Variants in MRTFB observed in about 807,000 individuals in gnomAD.
The protein encoded by MRTFB is myocardin related transcription factor B.
A neutral mutation model predicts 104.2 loss-of-function variants in MRTFB; 29 were observed. The observed-to-expected ratio is 0.28, with a 90% CI of 0.21 to 0.38. The LOEUF (loss-of-function observed/expected upper bound fraction) is 0.38. Ranked by LOEUF, MRTFB falls within the 10% of genes least tolerant of loss-of-function variation. MRTFB has a pLI of 1.00. For synonymous variants in MRTFB, 535 were observed against 519.5 expected, an observed-to-expected ratio of 1.03 and a Z score of -0.41; for missense variants, 1,270 against 1,341.6, an observed-to-expected ratio of 0.95 and a Z score of 0.83.
the MRTFB span, among the ~76,000 whole-genome samples, chr16:14,051,185 A>C: frequency 2.0e-5 from 3 of 152,056 alleles, no homozygotes; most frequent in Non-Finnish European, 2.9e-5. Context: ...CAGAGACAGA[A>C]ACATTCACAG....
intron 10 of MRTFB, chr16:14,240,872 C>T: frequency 1.6e-6 from 1 of 626,610 alleles, no homozygotes; most frequent in Non-Finnish European, 2.8e-6. Flanking sequence ...AAAGGAAAGC[C>T]TGGTGGAAAA....
At chr16:14,248,886 C>A in intron 12 of MRTFB, 40 bp from the exon 13 acceptor site, 1 of 1,602,664 alleles carries the variant, frequency 6.2e-7, no homozygotes, top group South Asian at 1.1e-5. Flanking sequence ...AACTTTGATT[C>A]TGACAATTAA....
intron 2 of MRTFB, among the ~76,000 whole-genome samples, chr16:14,110,436 C>T (rs1168714012): frequency 6.6e-6 from 1 of 152,200 alleles, no homozygotes; most frequent in African/African-American, 2.4e-5. Context: ...CCAGCTTTGT[C>T]AGCAACTAGT....
At chr16:14,205,481 T>A (rs918420317) in intron 3 of MRTFB, among the ~76,000 whole-genome samples, 1 of 152,260 alleles carries the variant, frequency 6.6e-6, no homozygotes, top group Non-Finnish European at 1.5e-5. Context: ...GTATGAGATA[T>A]GCTTTTTTAT....
At chr16:14,180,620 G>A (rs1239878227) in intron 3 of MRTFB, among the ~76,000 whole-genome samples, 1 of 152,200 alleles carries the variant, frequency 6.6e-6, no homozygotes, top group Non-Finnish European at 1.5e-5. Flanking sequence ...TCATGTGAAT[G>A]GCTGCCTGAG....
chr16:14,219,071 A>G, intron 8 of MRTFB, 73 bp downstream of exon 8: 1 of 1,342,532 alleles, frequency 7.4e-7, no homozygotes, highest in Non-Finnish European at 9.8e-7. Flanking sequence ...AAGGTAATAC[A>G]CTTTGACCAG....
intron 2 of MRTFB, among the ~76,000 whole-genome samples, chr16:14,101,715 A>C (rs183169189): frequency 4.6e-5 from 7 of 152,252 alleles, no homozygotes. Context: ...AGGTGAGATT[A>C]TTATAAAGAT....
chr16:14,038,742 C>T, the MRTFB span, among the ~76,000 whole-genome samples: 1 of 152,152 alleles, frequency 6.6e-6, no homozygotes, highest in Non-Finnish European at 1.5e-5. Context: ...ACTTGGCTGG[C>T]TGGTTCTGGT....
chr16:14,206,141 G>T (rs1214473488), intron 3 of MRTFB, among the ~76,000 whole-genome samples: 1 of 152,148 alleles, frequency 6.6e-6, no homozygotes, highest in Non-Finnish European at 1.5e-5. Flanking sequence ...CTTAATCCAT[G>T]AAGGTCCCAG....
At chr16:14,169,189 T>A (rs1312946201) in intron 3 of MRTFB, among the ~76,000 whole-genome samples, 3 of 152,218 alleles carry the variant, frequency 2.0e-5, no homozygotes, top group Non-Finnish European at 4.4e-5. Flanking sequence ...AGTCATTTTT[T>A]GACATATTTC....
intron 8 of MRTFB, among the ~76,000 whole-genome samples, chr16:14,229,510 C>G (rs1477886526): frequency 6.6e-6 from 1 of 152,310 alleles, no homozygotes; most frequent in Non-Finnish European, 1.5e-5. Flanking sequence ...TAGTTTCTGT[C>G]CCTCAAGACC....
At chr16:14,104,066 A>G (rs1462503117) in intron 2 of MRTFB, among the ~76,000 whole-genome samples, 1 of 152,244 alleles carries the variant, frequency 6.6e-6, no homozygotes, top group East Asian at 1.9e-4. Context: ...TACTTCATAG[A>G]TGACAGTTTC....
At chr16:14,111,887 A>C (rs1004637) in intron 2 of MRTFB, among the ~76,000 whole-genome samples, 44,247 of 152,070 alleles carry the variant, frequency 0.29, 13,511 homozygotes, top group African/African-American at 0.77. Flanking sequence ...CTCCACTGCC[A>C]CACCCACCTG....
intron 10 of MRTFB, among the ~76,000 whole-genome samples, chr16:14,244,543 T>A (rs1159256555): frequency 6.6e-6 from 1 of 152,242 alleles, no homozygotes; most frequent in East Asian, 1.9e-4. Context: ...CAGCAGTGTG[T>A]GATTGTTCTG....
chr16:14,247,147 G>C lies in MRTFB; in HGVS notation c.1887G>C (p.Gln629His), dbSNP rs1359226722. 2 of 1,614,050 alleles carry C rather than the reference G, an allele frequency of 1.2e-6. No individual in the cohort carries two copies. The highest frequency in any genetic ancestry group is 2.7e-5 in the African/African-American group (2 of 74,944). ...SAPGHSVKSD[Q>H]KHGSLGSSIK... ...CAGGTCATTCTGTCAAGTCAGATCA[G>C]AAGCACGGCAGCCTTGGCTCCTCCA... Residue 629 changes from glutamine (Q) to histidine (H), a missense_variant, in exon 12 of 17, where the codon CAG becomes CAC. Gln to His is a conservative substitution (Grantham distance 24, BLOSUM62 0). Around this residue, in one of 3 missense-constraint regions of MRTFB, gnomAD observed 1,144 missense variants for 1,131.5 expected, o/e 1.01. Transcript: ENST00000571589.
chr16:14,248,891 A>G (rs373885247), intron 12 of MRTFB, 35 bp from the exon 13 acceptor site: 34 of 1,606,626 alleles, frequency 2.1e-5, no homozygotes, highest in Non-Finnish European at 2.6e-5. Context: ...TGATTCTGAC[A>G]ATTAAATTGA....
chr16:14,029,552 T>A, the MRTFB span, among the ~76,000 whole-genome samples: 2 of 150,842 alleles, frequency 1.3e-5, no homozygotes, highest in East Asian at 3.9e-4. Flanking sequence ...TAGTTAATTT[T>A]ATATGTTTGT....
chr16:14,085,245 C>T (rs1235859221), intron 2 of MRTFB, among the ~76,000 whole-genome samples: 2 of 152,012 alleles, frequency 1.3e-5, no homozygotes, highest in Admixed American at 6.6e-5. Context: ...CACCAGAAGT[C>T]GGGAGTTTGA....
chr16:14,168,256 T>C (rs1449559395), intron 3 of MRTFB, among the ~76,000 whole-genome samples: 1 of 151,550 alleles, frequency 6.6e-6, no homozygotes, highest in Non-Finnish European at 1.5e-5. Context: ...TGCTTATCTA[T>C]ATATAACAAA....
Sources: gnomAD v4.1 joint callset for allele counts (sites outside exome capture counted in the v4.1 genomes callset) on GRCh38, gnomAD v4.1.1 for gene constraint, gnomAD v4.1.1 regional missense constraint, MANE v1.5 for transcripts, NCBI Gene and HGNC (gene_info 2026-07-23, HGNC 2026-07-21) for gene names.